SCIMP: variants seen among roughly 807,000 people sequenced by gnomAD.
The protein encoded by SCIMP is SLP adaptor and CSK interacting membrane protein, also known as SLP adapter and CSK-interacting membrane protein.
Under a neutral mutation model 22.0 loss-of-function variants are expected in SCIMP, and 18 were observed. The observed-to-expected ratio is 0.82, with a 90% CI of 0.56 to 1.21. The LOEUF (loss-of-function observed/expected upper bound fraction) is 1.21, where lower values mean the gene tolerates loss of function less well. SCIMP is among the 50% of genes most tolerant of loss of function. The pLI, the probability that SCIMP is intolerant of heterozygous loss-of-function variation, is 0.00. For missense variants in SCIMP, 155 were observed against 171.2 expected (o/e 0.91, Z 0.53); for synonymous variants, 53 against 62.2 (o/e 0.85, Z 0.70).
chr17:5,211,192 G>A (rs912954890), intron 4 of SCIMP, among the ~76,000 whole-genome samples: 31 of 152,134 alleles, frequency 2.0e-4, no homozygotes, highest in Non-Finnish European at 3.8e-4. Flanking sequence ...GCCTAAGCCT[G>A]CACTGCATGG....
chr17:5,219,293 T>A (rs557685167), intron 3 of SCIMP, among the ~76,000 whole-genome samples: 59 of 151,014 alleles, frequency 3.9e-4, no homozygotes, highest in African/African-American at 1.4e-3. Context: ...CACTCCAGCC[T>A]GGGTGACAGA....
At chr17:5,234,474 T>A in intron 1 of SCIMP, 1 of 536,052 alleles carries the variant, frequency 1.9e-6, no homozygotes. Context: ...GACTTCTTCA[T>A]CGCCCCTGAC....
At chr17:5,212,734 G>T (rs766714005) in intron 4 of SCIMP, among the ~76,000 whole-genome samples, 2 of 152,184 alleles carry the variant, frequency 1.3e-5, no homozygotes, top group African/African-American at 2.4e-5. Context: ...GAAACACAGC[G>T]CATGCTCAAT....
At chr17:5,226,566 C>T (rs1042919835) in intron 1 of SCIMP, among the ~76,000 whole-genome samples, 4 of 145,374 alleles carry the variant, frequency 2.8e-5, no homozygotes, top group Non-Finnish European at 6.0e-5. Context: ...AGTGCGATGG[C>T]GTGATCTCGG....
intron 1 of SCIMP, chr17:5,233,881 C>T (rs1418513433): frequency 6.6e-6 from 1 of 152,172 alleles, no homozygotes; most frequent in African/African-American, 2.4e-5. Context: ...ACTTTGATCT[C>T]GAGGCCTCTG....
At chr17:5,220,375 GT>G (rs2074596932) in intron 3 of SCIMP, among the ~76,000 whole-genome samples, 1 of 139,344 alleles carries the variant, frequency 7.2e-6, no homozygotes, top group South Asian at 2.5e-4. Flanking sequence ...GAGCCCAGGA[GT>G]TTGAGACCCA....
At chr17:5,215,825 A>G (rs988034252) in intron 3 of SCIMP, among the ~76,000 whole-genome samples, 3 of 152,172 alleles carry the variant, frequency 2.0e-5, no homozygotes, top group Admixed American at 6.6e-5. Context: ...GGTTGTCCAG[A>G]GAAGCACAGA....
chr17:5,219,517 G>A lies in SCIMP; in HGVS notation c.209+1770C>T, dbSNP rs546410957. 2.7e-5 allele frequency among the ~76,000 whole-genome samples: 4 copies of A among 148,606 alleles called. No homozygotes were observed. In the South Asian group the frequency reaches 8.6e-4, roughly 32 times the overall value. ...GTGGCAGGTGCCTGTAATCCCAGCT[G>A]CTTAGGAAGCTGAGGCAGGAGAAGC... On this transcript the variant is annotated intron_variant, in intron 3 of 4. Transcript: ENST00000574081.
At position 5,210,589 on chromosome 17, in the gene SCIMP, C is replaced by A; in HGVS notation, c.*212G>T. Reference sequence around the variant, plus strand: ...GGCTGACCCCTCTAAGTCCTCAGAGCCGAGCACCCATGTGTCTCCTCTGGC... The same window carrying A: ...GGCTGACCCCTCTAAGTCCTCAGAGACGAGCACCCATGTGTCTCCTCTGGC... On this transcript the variant is annotated 3_prime_UTR_variant, in exon 5 of 5. Coordinates refer to ENST00000574081, the MANE Select transcript of SCIMP (RefSeq NM_207103.3). 1.7e-6 allele frequency: 1 copy of A among 575,580 alleles called. No individual in the cohort carries two copies. The highest frequency in any genetic ancestry group is 3.4e-5 in the East Asian group (1 of 29,782). 35.7% of individuals were successfully genotyped at this position (575,580 alleles called of 1,614,324 possible).
At chr17:5,216,794 C>T (rs1377251480) in intron 3 of SCIMP, among the ~76,000 whole-genome samples, 1 of 152,154 alleles carries the variant, frequency 6.6e-6, no homozygotes, top group African/African-American at 2.4e-5. Flanking sequence ...TGGTAACGTC[C>T]TATTTCTTGA....
rs2074511524 is a variant in SCIMP, at chr17:5,209,437, A to G, written c.*1364T>C. 6.6e-6 allele frequency: 1 copy of G among 152,190 alleles called. No homozygotes were observed. Among genetic ancestry groups the G allele is most frequent in the Admixed American group, 6.5e-5 (1 of 15,270 alleles). 9.4% of individuals were successfully genotyped at this position (152,190 alleles called of 1,614,324 possible). A position where few individuals can be genotyped will look rare whatever the true frequency, so the allele number is the denominator to read the frequency against. On this transcript the variant is annotated 3_prime_UTR_variant, in exon 5 of 5. Coordinates refer to ENST00000574081, the MANE Select transcript of SCIMP (RefSeq NM_207103.3). ...AGGTGGAAGCCTTCATAGAGTCTGGAAAGAGAGAACCAGGGAGGAAGCCCA... is the reference window on the plus strand; with the variant it reads ...AGGTGGAAGCCTTCATAGAGTCTGGGAAGAGAGAACCAGGGAGGAAGCCCA...
intron 1 of SCIMP, among the ~76,000 whole-genome samples, chr17:5,228,522 A>G (rs2074669587): frequency 1.3e-5 from 2 of 151,838 alleles, no homozygotes; most frequent in South Asian, 4.1e-4. Context: ...GTGCATGCCT[A>G]TAGTCCCAGC....
rs541232692 is a variant in SCIMP at position 5,209,977 on chromosome 17, T to A, written c.*824A>T. 1 of 152,292 alleles carries A rather than the reference T, an allele frequency of 6.6e-6. No individual in the cohort carries two copies. The highest frequency in any genetic ancestry group is 2.1e-4 in the South Asian group (1 of 4,820). 9.4% of individuals were successfully genotyped at this position (152,292 alleles called of 1,614,324 possible). ...TGTATATGCCATTGTTACATGCCCC[T>A]TTTCTTTCCTGTTCCCCATGATTTG... is the stretch of plus-strand genomic sequence containing the variant. On this transcript the variant is annotated 3_prime_UTR_variant, in exon 5 of 5. Transcript: ENST00000574081.
chr17:5,221,067 AAAAAG>A lies in SCIMP; in HGVS notation c.209+215_209+219del. ...AGCAAGACTCCATCTCAAAAAAAAA[AAAAAG>A]AGAGAGAGAGATGAGAGGAGGGAGG... On this transcript the variant is annotated intron_variant, in intron 3 of 4. Transcript: ENST00000574081. 9 of 658,126 alleles carry A rather than the reference AAAAAG, an allele frequency of 1.4e-5. No homozygotes were observed. The East Asian group carries it at 1.5e-4, about 11-fold the overall frequency. 40.8% of individuals were successfully genotyped at this position (658,126 alleles called of 1,614,324 possible).
At chr17:5,211,704 A>G (rs1343742140) in intron 4 of SCIMP, among the ~76,000 whole-genome samples, 1 of 152,152 alleles carries the variant, frequency 6.6e-6, no homozygotes, top group Non-Finnish European at 1.5e-5. Flanking sequence ...CTTATGTACA[A>G]ATCTCTCTAA....
chr17:5,226,559 G>A (rs1459448766), intron 1 of SCIMP, among the ~76,000 whole-genome samples: 1 of 148,452 alleles, frequency 6.7e-6, no homozygotes, highest in Non-Finnish European at 1.5e-5. Context: ...AGGCTGGAGT[G>A]CGATGGCGTG....
At chr17:5,231,376 AAAG>A (rs1055891003) in intron 1 of SCIMP, among the ~76,000 whole-genome samples, 4 of 151,708 alleles carry the variant, frequency 2.6e-5, no homozygotes, top group African/African-American at 7.3e-5. Context: ...AAAAAAAAGA[AAAG>A]AAAAAAAGTT....
intron 1 of SCIMP, among the ~76,000 whole-genome samples, chr17:5,232,411 C>CAGTGTAAACAGTGCAGTAT (rs1341295689): frequency 9.7e-4 from 71 of 72,974 alleles, no homozygotes; most frequent in South Asian, 7.1e-3. Context: ...ATAAACAGTG[C>CAGTGTAAACAGTGCAGTAT]AAACAGTGCA....
Position 5,221,314 on chromosome 17 carries a change from T to G in SCIMP, c.182A>C (p.Lys61Thr). 6.2e-7 allele frequency: 1 copy of G among 1,613,764 alleles called. No individual in the cohort carries two copies. The highest frequency in any genetic ancestry group is 8.5e-7 in the Non-Finnish European group (1 of 1,179,654). ...ATACATCTTTTCTTCATCTACTTGC[T>G]TGTGTTTCAGGGGCTTGGCAATTTC... Reference protein sequence around the residue: ...KWEIAKPLKHKQVDEEKMYEN... With the variant: ...KWEIAKPLKHTQVDEEKMYEN... The change falls in exon 3 of 5, where the codon AAG becomes ACG. Residue 61 changes from lysine to threonine, a missense_variant. By Grantham distance (78) the Lys-to-Thr change is moderately conservative. Coordinates refer to ENST00000574081, the MANE Select transcript of SCIMP (RefSeq NM_207103.3).
Sources: gnomAD v4.1 joint callset for allele counts (sites outside exome capture counted in the v4.1 genomes callset) on GRCh38, gnomAD v4.1.1 for gene constraint, MANE v1.5 for transcripts, NCBI Gene and HGNC (gene_info 2026-07-23, HGNC 2026-07-21) for gene names.